Variants in TRAM1 observed in about 807,000 individuals in gnomAD.
The protein encoded by TRAM1 is translocating chain-associated membrane protein 1.
A neutral mutation model predicts 48.7 loss-of-function variants in TRAM1; 17 were observed. The observed-to-expected ratio is 0.35, with a 90% CI of 0.24 to 0.52. The LOEUF is 0.52. TRAM1 is among the 20% of genes least tolerant of loss of function. The probability of loss-of-function intolerance (pLI) is 0.94; values close to 1 mark genes in which losing one functional copy is unlikely to be tolerated. For synonymous variants in TRAM1, 182 were observed against 154.0 expected (o/e 1.18, Z -1.34); for missense variants, 351 against 441.5 (o/e 0.79, Z 1.84).
rs753380498 is a variant in TRAM1 at position 70,608,230 on chromosome 8, T to G, written c.-31A>C. ...GGCCGCCGCCCGCGCCTGCAGGTGC[T>G]CCGCCCCGGTTCTGCTCTTCCCAGC... On this transcript the variant is annotated 5_prime_UTR_variant, in exon 1 of 11. Transcript: ENST00000262213. 4 of 1,570,488 alleles carry G rather than the reference T, an allele frequency of 2.5e-6. 1 individual carries two copies. The highest frequency in any genetic ancestry group is 3.4e-6 in the Non-Finnish European group (4 of 1,162,638).
chr8:70,587,051 G>C (rs931974523), intron 7 of TRAM1, 52 bp from the exon 8 acceptor site: 3 of 1,611,096 alleles, frequency 1.9e-6, no homozygotes, highest in Non-Finnish European at 2.5e-6. Flanking sequence ...ATTAAGACAG[G>C]TCAGCATACT....
At chr8:70,596,418 T>C (rs1817488233) in intron 4 of TRAM1, 97 bp from the exon 5 acceptor site, 3 of 873,238 alleles carry the variant, frequency 3.4e-6, no homozygotes, top group Admixed American at 2.9e-5. Flanking sequence ...ACAGGTCCCA[T>C]ACCAGGTTGC....
intron 1 of TRAM1, chr8:70,606,938 C>T (rs1817732873): frequency 1.2e-6 from 1 of 820,182 alleles, no homozygotes; most frequent in African/African-American, 1.8e-5. Flanking sequence ...CGTCGCTCAT[C>T]TTTTTTTAAG....
chr8:70,596,732 C>T (rs1817494932), intron 4 of TRAM1, among the ~76,000 whole-genome samples: 1 of 149,976 alleles, frequency 6.7e-6, no homozygotes, highest in Non-Finnish European at 1.5e-5. Context: ...AGGGTGCTAC[C>T]GAGTTTTATG....
chr8:70,574,888 A>G lies in TRAM1; in HGVS notation c.*44T>C. On this transcript the variant is annotated 3_prime_UTR_variant, in exon 11 of 11. Transcript: ENST00000262213. ...CTCTAATGCTGAAAGATATAGTAGA[A>G]AGCAGATTTCTTTGGGGACATTAAT... is the stretch of plus-strand genomic sequence containing the variant. 1 of 1,307,762 alleles carries G rather than the reference A, an allele frequency of 7.6e-7. No homozygotes were observed. The highest frequency in any genetic ancestry group is 1.1e-6 in the Non-Finnish European group (1 of 910,930). 81.0% of individuals were successfully genotyped at this position (1,307,762 alleles called of 1,614,324 possible). A position where few individuals can be genotyped will look rare whatever the true frequency, so the allele number is the denominator to read the frequency against.
At position 70,573,577 on chromosome 8, in the gene TRAM1, A is replaced by T. The variant is rs1307051267; in HGVS notation, c.*1355T>A. The T allele has an allele frequency of 6.6e-6, 1 of 152,622 alleles. No homozygotes were observed. The highest frequency in any genetic ancestry group is 1.5e-5 in the Non-Finnish European group (1 of 68,034). 9.5% of individuals were successfully genotyped at this position (152,622 alleles called of 1,614,324 possible). On this transcript the variant is annotated 3_prime_UTR_variant, in exon 11 of 11. Coordinates refer to ENST00000262213, the MANE Select transcript of TRAM1 (RefSeq NM_014294.6). ...AGAGCTACTACTTTTTCCAGGAAGT[A>T]GGTTAACAGCTAGAAAGAAAAAGGA...
chr8:70,597,023 G>A (rs1476699649), intron 4 of TRAM1, among the ~76,000 whole-genome samples: 1 of 152,028 alleles, frequency 6.6e-6, no homozygotes, highest in African/African-American at 2.4e-5. Flanking sequence ...CTGAGTTTTA[G>A]TCTACTTCCA....
At chr8:70,581,703 G>C (rs2132026262) in intron 10 of TRAM1, among the ~76,000 whole-genome samples, 2 of 152,262 alleles carry the variant, frequency 1.3e-5, no homozygotes, top group South Asian at 4.1e-4. Context: ...AAAAGTAAAA[G>C]GCACTCAATA....
chr8:70,583,091 A>C, intron 10 of TRAM1, 73 bp downstream of exon 10: 1 of 1,510,050 alleles, frequency 6.6e-7, no homozygotes, highest in Non-Finnish European at 8.9e-7. Flanking sequence ...AAAACTAATA[A>C]ATAAGATCCA....
chr8:70,603,307 C>T (rs571231658), intron 1 of TRAM1, among the ~76,000 whole-genome samples: 4,841 of 22,646 alleles, frequency 0.21, 238 homozygotes, highest in African/African-American at 0.36. Context: ...GTTTTATACA[C>T]ACACACACAC....
chr8:70,594,878 T>C (rs891018738), intron 5 of TRAM1, among the ~76,000 whole-genome samples: 1 of 152,150 alleles, frequency 6.6e-6, no homozygotes, highest in Admixed American at 6.5e-5. Flanking sequence ...TATTAGTTCA[T>C]TAATACTGAC....
In TRAM1 at chr8:70,574,914, C is replaced by A; in HGVS notation, c.*18G>T. Reference sequence around the variant, plus strand: ...AGCAGATTTCTTTGGGGACATTAATCAATTAGTTTATAATTCATTATGAAG... The same window carrying A: ...AGCAGATTTCTTTGGGGACATTAATAAATTAGTTTATAATTCATTATGAAG... On this transcript the variant is annotated 3_prime_UTR_variant, in exon 11 of 11. Transcript: ENST00000262213. 2 of 1,506,186 alleles carry A rather than the reference C, an allele frequency of 1.3e-6. No homozygotes were observed. Among genetic ancestry groups the A allele is most frequent in the South Asian group, 2.3e-5 (2 of 87,044 alleles). The allele number at this position is 1,506,186 out of a possible 1,614,324, so 93.3% of individuals were successfully genotyped here. A position where few individuals can be genotyped will look rare whatever the true frequency, so the allele number is the denominator to read the frequency against.
intron 6 of TRAM1, among the ~76,000 whole-genome samples, chr8:70,589,712 C>T (rs981476399): frequency 2.0e-5 from 3 of 152,088 alleles, no homozygotes; most frequent in African/African-American, 7.2e-5. Flanking sequence ...GTGGTGCATG[C>T]CTGTACTTCC....
chr8:70,597,668 C>CAAAAAAAAAAAAAAAAAAAAAAAAAAA, intron 4 of TRAM1, among the ~76,000 whole-genome samples: 1 of 36,008 alleles, frequency 2.8e-5, no homozygotes, highest in Non-Finnish European at 4.7e-5. Flanking sequence ...GACTCTGTCT[C>CAAAAAAAAAAAAAAAAAAAAAAAAAAA]AAAAAAAAAA....
intron 1 of TRAM1, chr8:70,607,485 T>TC (rs1586769975): frequency 1.0e-6 from 1 of 985,442 alleles, no homozygotes; most frequent in Non-Finnish European, 1.2e-6. Flanking sequence ...CCACCGCCCT[T>TC]CAAGTCGAAA....
intron 1 of TRAM1, among the ~76,000 whole-genome samples, chr8:70,604,388 T>A (rs1488685181): frequency 1.3e-5 from 2 of 152,182 alleles, no homozygotes; most frequent in Admixed American, 1.3e-4. Context: ...ATTCTGAATA[T>A]CAAATTCCAC....
At chr8:70,602,144 C>T (rs1817618838) in intron 1 of TRAM1, among the ~76,000 whole-genome samples, 1 of 152,092 alleles carries the variant, frequency 6.6e-6, no homozygotes. Context: ...TTAATAAAGT[C>T]AAAAGTTTCA....
At chr8:70,603,999 ACAC>A (rs1425920538) in intron 1 of TRAM1, among the ~76,000 whole-genome samples, 2 of 152,214 alleles carry the variant, frequency 1.3e-5, no homozygotes, top group Admixed American at 6.5e-5. Flanking sequence ...AGTTAAACTC[ACAC>A]CACAATTAAT....
Position 70,583,657 on chromosome 8 carries a change from CTAACACATTGA to C in TRAM1, c.872_882del (p.Phe291CysfsTer3), listed in dbSNP as rs1465466324. On this transcript the variant is annotated frameshift_variant, in exon 9 of 11. Coordinates refer to ENST00000262213, the MANE Select transcript of TRAM1 (RefSeq NM_014294.6). LOFTEE classifies it high-confidence loss of function. Reference sequence around the variant, plus strand: ...ATGTTAAATTGATCGTACCTAACAGCTAACACATTGAAGTTTCCAGTACTGAAATCCAGCTT... The same window carrying C: ...ATGTTAAATTGATCGTACCTAACAGCAGTTTCCAGTACTGAAATCCAGCTT... 6.2e-7 allele frequency: 1 copy of C among 1,610,286 alleles called. No homozygotes were observed.
Sources: allele counts gnomAD v4.1 joint callset (sites outside exome capture counted in the v4.1 genomes callset), GRCh38; gene constraint gnomAD v4.1.1; transcripts MANE v1.5; gene names NCBI Gene and HGNC (gene_info 2026-07-23, HGNC 2026-07-21).